Variants in FRMD4B observed in about 807,000 individuals in gnomAD.
The protein encoded by FRMD4B is FERM domain containing 4B.
In FRMD4B, 74 loss-of-function variants were observed where a neutral mutation model predicts 141.5. The ratio of observed to expected loss-of-function variants is 0.52; its 90% CI spans 0.43 to 0.63. The LOEUF is 0.63. Ranked by LOEUF, FRMD4B falls within the 30% of genes least tolerant of loss-of-function variation. The pLI is 0.00. For missense variants in FRMD4B, 1,366 were observed against 1,253.4 expected, an observed-to-expected ratio of 1.09 and a Z score of -1.36; for synonymous variants, 506 against 467.9, an observed-to-expected ratio of 1.08 and a Z score of -1.05.
At chr3:69,299,845 G>A (rs973326777) in intron 4 of FRMD4B, among the ~76,000 whole-genome samples, 3 of 149,722 alleles carry the variant, frequency 2.0e-5, no homozygotes, top group Non-Finnish European at 4.5e-5. Context: ...ATGAATGAGG[G>A]GCTTCTGTGC....
At position 69,194,901 on chromosome 3, in the gene FRMD4B, C is replaced by G. The variant is rs1401020561; in HGVS notation, c.1488+121G>C. ...AAGAGTTCAATTTGGTCTACACGAT[C>G]CATCTGTACTGGTGAGATAACATAC... On this transcript the variant is annotated intron_variant, in intron 16 of 22. Transcript: ENST00000398540. 9.9e-6 allele frequency: 8 copies of G among 811,412 alleles called. No homozygotes were observed. The African/African-American group carries it at 1.2e-4, about 12-fold the overall frequency. The allele number at this position is 811,412 out of a possible 1,614,324, so 50.3% of individuals were successfully genotyped here.
At position 69,182,419 on chromosome 3, in the gene FRMD4B, T is replaced by C. The variant is rs534421683; in HGVS notation, c.2039+179A>G. Among the ~76,000 whole-genome samples the C allele has an allele frequency of 2.9e-3, 438 of 152,228 alleles. 2 individuals carry two copies. Among genetic ancestry groups the C allele is most frequent in the African/African-American group, 0.01 (416 of 41,548 alleles). Reference sequence around the variant, plus strand: ...AAAATCTAATGTATATTTGAACAAATCAAATACATTTTCTTTGCCAACATA... The same window carrying C: ...AAAATCTAATGTATATTTGAACAAACCAAATACATTTTCTTTGCCAACATA... On this transcript the variant is annotated intron_variant, in intron 20 of 22. Transcript: ENST00000398540.
intron 2 of FRMD4B, among the ~76,000 whole-genome samples, chr3:69,399,703 C>A (rs1704528486): frequency 6.6e-6 from 1 of 152,162 alleles, no homozygotes; most frequent in South Asian, 2.1e-4. Context: ...CCAGTGAACT[C>A]CCATTTATCT....
At chr3:69,457,398 A>G (rs1273552707) in intron 1 of FRMD4B, among the ~76,000 whole-genome samples, 1 of 152,188 alleles carries the variant, frequency 6.6e-6, no homozygotes, top group Non-Finnish European at 1.5e-5. Flanking sequence ...TTACTTTTGT[A>G]ATAAGAAAGA....
chr3:69,440,929 C>T (rs59198070), intron 1 of FRMD4B, among the ~76,000 whole-genome samples: 1,736 of 152,334 alleles, frequency 0.011, 33 homozygotes, highest in African/African-American at 0.039. Flanking sequence ...TTCCTTTCCA[C>T]GTATATGGTA....
intron 7 of FRMD4B, among the ~76,000 whole-genome samples, chr3:69,238,935 G>C (rs1037962810): frequency 3.9e-5 from 6 of 152,184 alleles, no homozygotes; most frequent in Admixed American, 1.3e-4. Flanking sequence ...ATCTGGGTTA[G>C]AGTTGGCAGA....
intron 1 of FRMD4B, among the ~76,000 whole-genome samples, chr3:69,323,555 ACT>A (rs1702079665): frequency 1.4e-5 from 2 of 145,016 alleles, no homozygotes; most frequent in Admixed American, 6.9e-5. Flanking sequence ...ACACAGCGAG[ACT>A]CTGTCTCAAA....
chr3:69,321,335 A>C (rs1318418336), intron 1 of FRMD4B, among the ~76,000 whole-genome samples: 1 of 152,236 alleles, frequency 6.6e-6, no homozygotes, highest in African/African-American at 2.4e-5. Context: ...GAAATTGGTA[A>C]GGAAGCAGCA....
chr3:69,221,031 C>T (rs371422850), intron 9 of FRMD4B, among the ~76,000 whole-genome samples: 53 of 151,548 alleles, frequency 3.5e-4, no homozygotes, highest in Non-Finnish European at 5.3e-4. Flanking sequence ...GGTGCAATCA[C>T]GGCTCACTGC....
intron 1 of FRMD4B, among the ~76,000 whole-genome samples, chr3:69,541,789 T>TCCCCCCCCCCC (rs56146632): frequency 1.3e-5 from 2 of 148,304 alleles, no homozygotes; most frequent in Admixed American, 6.6e-5. Flanking sequence ...TCCAGGGATT[T>TCCCCCCCCCCC]CCCCCCCCTC....
intron 1 of FRMD4B, among the ~76,000 whole-genome samples, chr3:69,344,798 C>G (rs139938752): frequency 3.3e-5 from 5 of 152,108 alleles, no homozygotes; most frequent in African/African-American, 1.2e-4. Flanking sequence ...ATAAGTACAA[C>G]GTCTGCAGAA....
chr3:69,303,746 A>G (rs1188747425), intron 3 of FRMD4B, among the ~76,000 whole-genome samples: 2 of 151,910 alleles, frequency 1.3e-5, no homozygotes, highest in Non-Finnish European at 2.9e-5. Context: ...CCTGGGCAAC[A>G]TGGTGAAACC....
At chr3:69,462,413 C>T (rs998256738) in intron 1 of FRMD4B, among the ~76,000 whole-genome samples, 2 of 152,202 alleles carry the variant, frequency 1.3e-5, no homozygotes, top group Admixed American at 6.5e-5. Context: ...CTAGAGAAAG[C>T]CCTCAGGTAA....
chr3:69,258,327 T>C (rs1048125346), intron 5 of FRMD4B, among the ~76,000 whole-genome samples: 2 of 152,180 alleles, frequency 1.3e-5, no homozygotes, highest in East Asian at 3.9e-4. Context: ...CAAGTCTCAG[T>C]GTACAGCTCA....
chr3:69,307,370 G>A (rs995637323), intron 3 of FRMD4B, among the ~76,000 whole-genome samples: 11 of 152,128 alleles, frequency 7.2e-5, no homozygotes, highest in African/African-American at 2.7e-4. Flanking sequence ...TTTTTGGACA[G>A]TGTCTCGCTT....
Position 69,181,185 on chromosome 3 carries a change from T to C in FRMD4B, c.2565A>G (p.Arg855=). 1 of 1,613,962 alleles carries C rather than the reference T, an allele frequency of 6.2e-7. No homozygotes were observed. The highest frequency in any genetic ancestry group is 1.3e-5 in the African/African-American group (1 of 75,024). The change falls in exon 21 of 23, where the codon AGA becomes AGG. Residue 855 remains arginine, a synonymous_variant. Coordinates refer to ENST00000398540, the MANE Select transcript of FRMD4B (RefSeq NM_015123.3). ...YGYERQRDYS[R]SFHEDEVDRV... ...GGTCGACCTCATCTTCGTGAAAGGA[T>C]CTGCTGTAGTCCCTCTGGCGCTCAT...
chr3:69,421,876 G>T (rs568283670), intron 2 of FRMD4B, among the ~76,000 whole-genome samples: 2 of 152,086 alleles, frequency 1.3e-5, no homozygotes, highest in African/African-American at 2.4e-5. Flanking sequence ...TGAAACAAAG[G>T]TTACTTTCTT....
intron 5 of FRMD4B, among the ~76,000 whole-genome samples, chr3:69,278,717 G>T (rs930158669): frequency 3.9e-5 from 6 of 152,020 alleles, no homozygotes; most frequent in Non-Finnish European, 7.3e-5. Context: ...CTCTGAAGTA[G>T]CTGGGACTAC....
Position 69,538,608 on chromosome 3 carries a change from G to GA in FRMD4B, c.-129+3597dup, listed in dbSNP as rs201685029. 7.2e-3 allele frequency among the ~76,000 whole-genome samples: 1,092 copies of GA among 152,072 alleles called. 14 individuals carry two copies. Among genetic ancestry groups the GA allele is most frequent in the African/African-American group, 0.024 (1,012 of 41,478 alleles). On this transcript the variant is annotated intron_variant, in intron 1 of 5. Transcript: ENST00000459638. ...AAATGGATTTTATGACCTTCATATT[G>GA]AAAAAACACTGTCTTATGAGATTAG...
Sources: gnomAD v4.1 joint callset for allele counts (sites outside exome capture counted in the v4.1 genomes callset) on GRCh38, gnomAD v4.1.1 for gene constraint, MANE v1.5 for transcripts, NCBI Gene and HGNC (gene_info 2026-07-23, HGNC 2026-07-21) for gene names.